Variants in SLCO5A1 observed in about 807,000 individuals in gnomAD.
The protein encoded by SLCO5A1 is solute carrier organic anion transporter family member 5A1, also known as organic anion transporter polypeptide-related protein 4.
A neutral mutation model predicts 65.1 loss-of-function variants in SLCO5A1; 39 were observed. That is an observed-to-expected ratio of 0.60 (90% confidence interval 0.46 to 0.78). SLCO5A1 has a LOEUF of 0.78. SLCO5A1 is among the 30% of genes least tolerant of loss of function. SLCO5A1 has a pLI of 0.00. For synonymous variants in SLCO5A1, 438 were observed against 415.7 expected, an observed-to-expected ratio of 1.05 and a Z score of -0.65; for missense variants, 1,029 against 1,069.4, an observed-to-expected ratio of 0.96 and a Z score of 0.53.
At chr8:69,703,738 G>A (rs891988999) in intron 6 of SLCO5A1, among the ~76,000 whole-genome samples, 7 of 152,104 alleles carry the variant, frequency 4.6e-5, no homozygotes, top group Non-Finnish European at 8.8e-5. Flanking sequence ...ATTCTACTGC[G>A]AAATTCTAAG....
chr8:69,690,292 C>T (rs1053076071), intron 6 of SLCO5A1, among the ~76,000 whole-genome samples: 3 of 152,244 alleles, frequency 2.0e-5, no homozygotes, highest in African/African-American at 4.8e-5. Flanking sequence ...GTTACTCCCA[C>T]CATTTACCTG....
intron 2 of SLCO5A1, among the ~76,000 whole-genome samples, chr8:69,765,103 A>T (rs2130867565): frequency 6.6e-6 from 1 of 152,298 alleles, no homozygotes; most frequent in South Asian, 2.1e-4. Flanking sequence ...GTCCAGTGGA[A>T]TCACTCCCAT....
chr8:69,683,314 C>T (rs936269389), intron 6 of SLCO5A1, among the ~76,000 whole-genome samples: 3 of 152,154 alleles, frequency 2.0e-5, no homozygotes, highest in African/African-American at 7.2e-5. Flanking sequence ...TTAGCAATAG[C>T]AGATCCTTCA....
At chr8:69,795,063 C>T (rs909406585) in intron 2 of SLCO5A1, among the ~76,000 whole-genome samples, 1 of 152,184 alleles carries the variant, frequency 6.6e-6, no homozygotes, top group Non-Finnish European at 1.5e-5. Context: ...CCAATTACTT[C>T]CCACCAGGCC....
At chr8:69,807,945 C>A (rs1012781807) in intron 2 of SLCO5A1, among the ~76,000 whole-genome samples, 2 of 152,094 alleles carry the variant, frequency 1.3e-5, no homozygotes, top group African/African-American at 4.8e-5. Flanking sequence ...CCTGGTGATC[C>A]GCCTGCCTCA....
chr8:69,694,298 G>C (rs17723025), intron 6 of SLCO5A1, among the ~76,000 whole-genome samples: 88 of 152,174 alleles, frequency 5.8e-4, no homozygotes, highest in African/African-American at 2.1e-3. Flanking sequence ...TAAGCCTCAG[G>C]TTCTTTAACT....
chr8:69,744,633 C>A (rs547809581), intron 4 of SLCO5A1, among the ~76,000 whole-genome samples: 1 of 152,334 alleles, frequency 6.6e-6, no homozygotes, highest in East Asian at 1.9e-4. Flanking sequence ...ATCTGTACAT[C>A]TTCAGCTCCC....
At chr8:69,764,853 A>G (rs1030644064) in intron 2 of SLCO5A1, among the ~76,000 whole-genome samples, 5 of 152,202 alleles carry the variant, frequency 3.3e-5, no homozygotes, top group Non-Finnish European at 7.3e-5. Flanking sequence ...ACACACAGAC[A>G]GGGAAAAGGG....
chr8:69,740,092 A>C (rs1465479766), intron 4 of SLCO5A1, among the ~76,000 whole-genome samples: 1 of 152,228 alleles, frequency 6.6e-6, no homozygotes, highest in Non-Finnish European at 1.5e-5. Flanking sequence ...GTAACTAAAA[A>C]CATGCATGAT....
intron 2 of SLCO5A1, among the ~76,000 whole-genome samples, chr8:69,784,863 G>GAAAA (rs71275014): frequency 2.3e-5 from 2 of 87,840 alleles, no homozygotes; most frequent in African/African-American, 9.7e-5. Flanking sequence ...AAGAAAGAAA[G>GAAAA]GGAAGGAAGG....
At chr8:69,714,297 C>A (rs1815413114) in intron 5 of SLCO5A1, among the ~76,000 whole-genome samples, 1 of 152,130 alleles carries the variant, frequency 6.6e-6, no homozygotes, top group South Asian at 2.1e-4. Context: ...TAGCTTCAAG[C>A]CAAAACTTAA....
At chr8:69,762,794 A>G (rs964166319) in intron 2 of SLCO5A1, among the ~76,000 whole-genome samples, 1 of 152,238 alleles carries the variant, frequency 6.6e-6, no homozygotes, top group Non-Finnish European at 1.5e-5. Context: ...ATTAAATAAG[A>G]TGTTACAATG....
intron 2 of SLCO5A1, among the ~76,000 whole-genome samples, chr8:69,830,261 T>C (rs1441878047): frequency 6.6e-6 from 1 of 152,208 alleles, no homozygotes; most frequent in Admixed American, 6.5e-5. Context: ...TTGGATATCA[T>C]TTACACCGTC....
At chr8:69,702,260 G>A (rs1479725557) in intron 6 of SLCO5A1, among the ~76,000 whole-genome samples, 1 of 152,172 alleles carries the variant, frequency 6.6e-6, no homozygotes, top group African/African-American at 2.4e-5. Context: ...AGCTTTACAT[G>A]TGTTACACAC....
Position 69,699,092 on chromosome 8 carries a change from C to T in SLCO5A1, c.1622+5939G>A, listed in dbSNP as rs377660294. On this transcript the variant is annotated intron_variant, in intron 6 of 9. Coordinates refer to ENST00000260126, the MANE Select transcript of SLCO5A1 (RefSeq NM_030958.3). Reference sequence around the variant, plus strand: ...CAAGAGAAAGAAGAGGCCCTTAGACCTTGAGGACAGTAACACAAGAAAGAT... The same window carrying T: ...CAAGAGAAAGAAGAGGCCCTTAGACTTTGAGGACAGTAACACAAGAAAGAT... Among the ~76,000 whole-genome samples the T allele has an allele frequency of 5.9e-5, 9 of 152,278 alleles. No individual in the cohort carries two copies. In the South Asian group the frequency reaches 1.5e-3, roughly 25 times the overall value.
chr8:69,831,989 C>A lies in SLCO5A1; in HGVS notation c.685G>T (p.Ala229Ser). Residue 229 changes from alanine (A) to serine (S), a missense_variant, in exon 2 of 10, where the codon GCC (alanine) becomes TCC (serine). Physicochemically the swap from Ala to Ser is moderately conservative, Grantham distance 99. Coordinates refer to ENST00000260126, the MANE Select transcript of SLCO5A1 (RefSeq NM_030958.3). ...CACAGGCCGTCGTTGGGGGCCGAGG[C>A]GTTCAACTCTTGGATCTGGTAGGGG... The part of the protein sequence containing the change: ...SPPYQIQELN[A>S]SAPNDGLCQG... 6.3e-7 allele frequency: 1 copy of A among 1,594,598 alleles called. No homozygotes were observed. The highest frequency in any genetic ancestry group is 8.5e-7 in the Non-Finnish European group (1 of 1,170,952).
intron 2 of SLCO5A1, among the ~76,000 whole-genome samples, chr8:69,787,127 G>A (rs979869401): frequency 1.3e-5 from 2 of 152,136 alleles, no homozygotes; most frequent in African/African-American, 4.8e-5. Context: ...GGAGCCTTAC[G>A]TCATTTCAAC....
At chr8:69,821,109 T>C (rs1192399684) in intron 2 of SLCO5A1, among the ~76,000 whole-genome samples, 2 of 152,234 alleles carry the variant, frequency 1.3e-5, no homozygotes, top group South Asian at 2.1e-4. Context: ...TATACACATA[T>C]ATAATGTTTA....
intron 2 of SLCO5A1, among the ~76,000 whole-genome samples, chr8:69,765,812 ACTCTG>A (rs1818036711): frequency 6.6e-6 from 1 of 151,606 alleles, no homozygotes; most frequent in African/African-American, 2.4e-5. Flanking sequence ...ACCTCACCAT[ACTCTG>A]CCTGGGCCTT....
Sources: gnomAD v4.1 joint callset for allele counts (sites outside exome capture counted in the v4.1 genomes callset) on GRCh38, gnomAD v4.1.1 for gene constraint, MANE v1.5 for transcripts, NCBI Gene and HGNC (gene_info 2026-07-23, HGNC 2026-07-21) for gene names.